FEZ2: variants seen among roughly 807,000 people sequenced by gnomAD.
FEZ2 encodes the protein fasciculation and elongation protein zeta-2.
FEZ2 carries 51 observed loss-of-function variants against 40.4 expected under a neutral mutation model. The ratio of observed to expected loss-of-function variants is 1.26; its 90% CI spans 1.01 to 1.59. The LOEUF is 1.59. Among genes scored for constraint, FEZ2 ranks in the 40% most tolerant of loss-of-function variants. FEZ2 has a pLI of 0.00. For missense variants in FEZ2, 640 were observed against 438.3 expected, an observed-to-expected ratio of 1.46 and a Z score of -4.11; for synonymous variants, 242 against 172.0, an observed-to-expected ratio of 1.41 and a Z score of -3.18.
rs778657386 is a variant in FEZ2, at chr2:36,578,612, A to C, written c.888T>G (p.Ser296Arg). The C allele has an allele frequency of 1.9e-6, 3 of 1,612,474 alleles. No individual in the cohort carries two copies. The highest frequency in any genetic ancestry group is 2.2e-5 in the East Asian group (1 of 44,886). The change falls in exon 5 of 8, where the codon AGT becomes AGG. Residue 296 changes from serine to arginine, a missense_variant. By Grantham distance (110) the Ser-to-Arg change is moderately radical. Coordinates refer to ENST00000405912, the MANE Select transcript of FEZ2 (RefSeq NM_005102.3). ...CATCACTTACTGTGCCGGGCATATGACTTCTCTCATTCTTCCCATTCTGAG... is the reference window on the plus strand; with the variant it reads ...CATCACTTACTGTGCCGGGCATATGCCTTCTCTCATTCTTCCCATTCTGAG... ...GSSQNGKNER[S>R]HMPGTYLTTV...
intron 1 of FEZ2, among the ~76,000 whole-genome samples, chr2:36,596,632 TTTTTTTTAA>T (rs1669231915): frequency 6.6e-6 from 1 of 151,964 alleles, no homozygotes; most frequent in Admixed American, 6.6e-5. Flanking sequence ...CTTCACTAAT[TTTTTTTTAA>T]TTTTTTTGTA....
At chr2:36,592,317 G>C (rs565779936) in intron 1 of FEZ2, among the ~76,000 whole-genome samples, 1 of 152,118 alleles carries the variant, frequency 6.6e-6, no homozygotes, top group African/African-American at 2.4e-5. Flanking sequence ...AGGATGTGCA[G>C]GTTTGTTACA....
chr2:36,591,556 G>C (rs533973538), intron 1 of FEZ2: 1 of 152,576 alleles, frequency 6.6e-6, no homozygotes, highest in Non-Finnish European at 1.5e-5. Flanking sequence ...GAAAGAATTC[G>C]CTCTCAATGT....
In FEZ2 at chr2:36,586,013, G is replaced by C. The variant is rs558148538; in HGVS notation, c.376-2544C>G. The stretch of plus-strand genomic sequence containing the variant: ...GAGCAGAGACTGCCTTTTCATTTAA[G>C]TCCTATAGTTCTAATTTACTTTTTA... On this transcript the variant is annotated intron_variant, in intron 2 of 7. Transcript: ENST00000405912. 1.5e-4 allele frequency among the ~76,000 whole-genome samples: 23 copies of C among 152,298 alleles called. No homozygotes were observed. The South Asian group carries it at 4.8e-3, about 32-fold the overall frequency.
intron 2 of FEZ2, among the ~76,000 whole-genome samples, chr2:36,585,233 T>C (rs1668868670): frequency 6.6e-6 from 1 of 152,138 alleles, no homozygotes; most frequent in African/African-American, 2.4e-5. Context: ...GAATCCTATA[T>C]CCAGCTAAAA....
intron 2 of FEZ2, among the ~76,000 whole-genome samples, chr2:36,586,811 G>A (rs1321377934): frequency 6.6e-6 from 1 of 152,068 alleles, no homozygotes; most frequent in Non-Finnish European, 1.5e-5. Context: ...GCCAGGCATG[G>A]CGGTACTCGT....
At position 36,558,478 on chromosome 2, in the gene FEZ2, GTTT is replaced by G. The variant is rs759258050; in HGVS notation, c.936_938del (p.Lys312del). The G allele has an allele frequency of 4.6e-6, 7 of 1,517,700 alleles. No homozygotes were observed. Among genetic ancestry groups the G allele is most frequent in the Admixed American group, 2.1e-5 (1 of 47,814 alleles). 94.0% of individuals were successfully genotyped at this position (1,517,700 alleles called of 1,614,324 possible). A position where few individuals can be genotyped will look rare whatever the true frequency, so the allele number is the denominator to read the frequency against. On this transcript the variant is annotated inframe_deletion, in exon 6 of 8. Coordinates refer to ENST00000405912, the MANE Select transcript of FEZ2 (RefSeq NM_005102.3). ...GAAGATCTTCAACAGACGGTGGTCCGTTTTTTTTCTCATAAGGAATGACTGTAG... is the reference window on the plus strand; with the variant it reads ...GAAGATCTTCAACAGACGGTGGTCCGTTTTTCTCATAAGGAATGACTGTAG...
intron 1 of FEZ2, among the ~76,000 whole-genome samples, chr2:36,595,602 T>C (rs958069636): frequency 1.3e-5 from 2 of 152,190 alleles, no homozygotes; most frequent in East Asian, 3.8e-4. Context: ...TACCGGTCTG[T>C]GGACCAGGGG....
chr2:36,555,558 C>G (rs566076381), intron 7 of FEZ2, 125 bp downstream of exon 7: 3 of 517,678 alleles, frequency 5.8e-6, no homozygotes, highest in East Asian at 3.2e-5. Context: ...AATCCTCACC[C>G]TGCATAATAA....
chr2:36,585,012 G>C (rs1668862187), intron 2 of FEZ2, among the ~76,000 whole-genome samples: 1 of 152,080 alleles, frequency 6.6e-6, no homozygotes, highest in African/African-American at 2.4e-5. Flanking sequence ...TGCACCATCA[G>C]CCTAGCAAAG....
rs1418515447 is a variant in FEZ2 at position 36,583,355 on chromosome 2, G to A, written c.490C>T (p.Gln164Ter). The A allele has an allele frequency of 1.3e-6, 2 of 1,519,908 alleles. No homozygotes were observed. Among genetic ancestry groups the A allele is most frequent in the African/African-American group, 2.7e-5 (2 of 73,020 alleles). 94.2% of individuals were successfully genotyped at this position (1,519,908 alleles called of 1,614,324 possible). ...VNDEPLFTAD[Q>*]VIEEIEEMMQ... ...GTTGCTGAGGATCTCCTCTATACCT[G>A]GTCTGCCGTGAAGAGGGGTTCATCA... Residue 164 changes from glutamine to a stop codon, truncating the protein, a stop_gained and splice_region_variant, in exon 3 of 8, where the codon CAG becomes TAG. Coordinates refer to ENST00000405912, the MANE Select transcript of FEZ2 (RefSeq NM_005102.3). LOFTEE classifies it high-confidence loss of function.
At position 36,553,183 on chromosome 2, in the gene FEZ2, G is replaced by C; in HGVS notation, c.1046-4C>G. The C allele has an allele frequency of 6.4e-7, 1 of 1,554,768 alleles. No homozygotes were observed. Among genetic ancestry groups the C allele is most frequent in the Middle Eastern group, 1.7e-4 (1 of 5,978 alleles). ...CTGCTCTATGTAGGACACAGAACTA[G>C]AAGAAAAAGAGAACTTTTAGCTACA... On this transcript the variant is annotated splice_region_variant and splice_polypyrimidine_tract_variant and intron_variant, in intron 7 of 7. Transcript: ENST00000405912.
chr2:36,589,457 GC>G (rs1669003746), intron 2 of FEZ2, among the ~76,000 whole-genome samples: 1 of 152,178 alleles, frequency 6.6e-6, no homozygotes, highest in Non-Finnish European at 1.5e-5. Context: ...CAAGTGAGAG[GC>G]TGGATTAAGT....
Position 36,568,091 on chromosome 2 carries a change from C to G in FEZ2, c.904-9578G>C, listed in dbSNP as rs189477319. 8.8e-3 allele frequency among the ~76,000 whole-genome samples: 1,338 copies of G among 151,966 alleles called. 11 individuals are homozygous for G. Among genetic ancestry groups the G allele is most frequent in the Non-Finnish European group, 0.014 (978 of 67,998 alleles). On this transcript the variant is annotated intron_variant, in intron 5 of 7. Coordinates refer to ENST00000405912, the MANE Select transcript of FEZ2 (RefSeq NM_005102.3). ...AGAGCAGATGCGGTATTATTAGGTG[C>G]TTATGGTGCTTAACTGGGCCAGAGG...
At chr2:36,597,272 C>A (rs891636281) in intron 1 of FEZ2, among the ~76,000 whole-genome samples, 2 of 152,192 alleles carry the variant, frequency 1.3e-5, no homozygotes, top group Non-Finnish European at 2.9e-5. Flanking sequence ...CACTCCCACT[C>A]ATCAGTCAGA....
chr2:36,579,163 T>C (rs1225279872), intron 4 of FEZ2: 1 of 312,440 alleles, frequency 3.2e-6, no homozygotes, highest in Non-Finnish European at 5.8e-6. Flanking sequence ...AATACTTCAG[T>C]CAAGACTGTG....
intron 1 of FEZ2, among the ~76,000 whole-genome samples, chr2:36,596,317 C>G (rs964993592): frequency 1.3e-5 from 2 of 152,204 alleles, no homozygotes; most frequent in African/African-American, 2.4e-5. Flanking sequence ...CCTGATAAAT[C>G]TGTTTGTTTC....
chr2:36,580,855 G>T (rs913936272), intron 4 of FEZ2, among the ~76,000 whole-genome samples: 5 of 152,082 alleles, frequency 3.3e-5, no homozygotes, highest in East Asian at 3.9e-4. Context: ...TGCTGTCCTT[G>T]TAAGAGGAAA....
chr2:36,590,891 T>C lies in FEZ2; in HGVS notation c.375+12A>G, dbSNP rs771669636. Reference sequence around the variant, plus strand: ...AGTTATTCAAACACTATTGGTTCAATTCCTAACTTACCCCTTTTTCTGAGA... The same window carrying C: ...AGTTATTCAAACACTATTGGTTCAACTCCTAACTTACCCCTTTTTCTGAGA... On this transcript the variant is annotated intron_variant, in intron 2 of 7. Transcript: ENST00000405912. 9 of 1,458,548 alleles carry C rather than the reference T, an allele frequency of 6.2e-6. No homozygotes were observed. The highest frequency in any genetic ancestry group is 1.7e-4 in the Middle Eastern group (1 of 5,792). The allele number at this position is 1,458,548 out of a possible 1,614,324, so 90.4% of individuals were successfully genotyped here. A position where few individuals can be genotyped will look rare whatever the true frequency, so the allele number is the denominator to read the frequency against.
Sources: allele counts gnomAD v4.1 joint callset (sites outside exome capture counted in the v4.1 genomes callset), GRCh38; gene constraint gnomAD v4.1.1; transcripts MANE v1.5; gene names NCBI Gene and HGNC (gene_info 2026-07-23, HGNC 2026-07-21).